Variants in ARHGEF10 observed in about 807,000 individuals in gnomAD.
The protein encoded by ARHGEF10 is Rho guanine nucleotide exchange factor 10, also known as Rho guanine nucleotide exchange factor (GEF) 10.
In ARHGEF10, 140 loss-of-function variants were observed where a neutral mutation model predicts 147.4. The ratio of observed to expected loss-of-function variants is 0.95; its 90% CI spans 0.83 to 1.09. The LOEUF is 1.09. Ranked by LOEUF, ARHGEF10 falls within the 50% of genes least tolerant of loss-of-function variation. The pLI is 0.00. For missense variants in ARHGEF10, 2,222 were observed against 1,752.7 expected (o/e 1.27, Z -4.78); for synonymous variants, 902 against 695.8 (o/e 1.30, Z -4.67).
At chr8:1,852,487 A>T (rs1805224513) in intron 2 of ARHGEF10, among the ~76,000 whole-genome samples, 1 of 137,952 alleles carries the variant, frequency 7.2e-6, no homozygotes, top group Non-Finnish European at 1.6e-5. Flanking sequence ...CCTGGAGAGG[A>T]CCGGGGAGCA....
chr8:1,953,749 A>G (rs1375654827), intron 28 of ARHGEF10, among the ~76,000 whole-genome samples: 2 of 152,248 alleles, frequency 1.3e-5, no homozygotes, highest in Non-Finnish European at 2.9e-5. Context: ...TGGTGTGTGC[A>G]GAGCCTGCAG....
intron 2 of ARHGEF10, among the ~76,000 whole-genome samples, chr8:1,850,535 G>A (rs559010906): frequency 6.6e-6 from 1 of 151,820 alleles, no homozygotes; most frequent in South Asian, 2.1e-4. Context: ...ATGCTGAGGA[G>A]GGCGTGGGGC....
intron 2 of ARHGEF10, among the ~76,000 whole-genome samples, chr8:1,854,155 C>A (rs983895752): frequency 1.7e-4 from 26 of 152,218 alleles, no homozygotes; most frequent in Non-Finnish European, 3.4e-4. Flanking sequence ...CCCAGGATCC[C>A]CCAGGGCCCA....
intron 13 of ARHGEF10, among the ~76,000 whole-genome samples, chr8:1,895,330 G>A (rs1385545686): frequency 6.6e-6 from 1 of 152,192 alleles, no homozygotes; most frequent in East Asian, 1.9e-4. Context: ...TTGAGACTAT[G>A]ATGCTATCAA....
intron 1 of ARHGEF10, among the ~76,000 whole-genome samples, chr8:1,824,471 A>T (rs1448213775): frequency 6.6e-6 from 1 of 151,872 alleles, no homozygotes; most frequent in Non-Finnish European, 1.5e-5. Flanking sequence ...ATTTTCCGGT[A>T]AAGGAGAAGA....
intron 23 of ARHGEF10, 81 bp from the exon 24 acceptor site, chr8:1,928,346 G>C: frequency 7.8e-7 from 1 of 1,280,772 alleles, no homozygotes; most frequent in African/African-American, 1.5e-5. Context: ...GCTTGTCGTG[G>C]CCTTTAAGGG....
intron 11 of ARHGEF10, among the ~76,000 whole-genome samples, chr8:1,888,074 ATGAGGAGACACTAGGTAGGGTGAATGTTT>A (rs1808859765): frequency 1.7e-5 from 2 of 115,852 alleles, no homozygotes; most frequent in Admixed American, 1.6e-4. Flanking sequence ...ATGAGGGTTT[ATGAGGAGACACTAGGTAGGGTGAATGTTT>A]TGAGGAGACA....
chr8:1,925,842 C>T (rs1380177392), intron 22 of ARHGEF10, among the ~76,000 whole-genome samples: 3 of 152,210 alleles, frequency 2.0e-5, no homozygotes, highest in Non-Finnish European at 2.9e-5. Flanking sequence ...TATTAATGTT[C>T]CCAGTGTTGC....
chr8:1,920,921 G>A (rs1812235357), intron 18 of ARHGEF10, among the ~76,000 whole-genome samples: 1 of 152,082 alleles, frequency 6.6e-6, no homozygotes, highest in African/African-American at 2.4e-5. Flanking sequence ...CCGAGTAGGT[G>A]GGATTACAGC....
chr8:1,852,819 G>GTCACA (rs1563178849), intron 2 of ARHGEF10, among the ~76,000 whole-genome samples: 1 of 152,206 alleles, frequency 6.6e-6, no homozygotes, highest in Non-Finnish European at 1.5e-5. Context: ...CAGCCCCAAT[G>GTCACA]GCCCTGCTGT....
intron 1 of ARHGEF10, among the ~76,000 whole-genome samples, chr8:1,841,961 G>GGCGGGA (rs1563161831): frequency 2.3e-5 from 2 of 85,560 alleles, no homozygotes; most frequent in African/African-American, 1.2e-4. Flanking sequence ...CTGGGGCCGC[G>GGCGGGA]ACCGGAACTG....
At chr8:1,947,328 C>G (rs916994634) in intron 27 of ARHGEF10, among the ~76,000 whole-genome samples, 4 of 152,174 alleles carry the variant, frequency 2.6e-5, no homozygotes, top group African/African-American at 7.2e-5. Flanking sequence ...AGACCTCCCT[C>G]CGGGGCGAAG....
At chr8:1,942,383 A>T (rs184121705) in intron 26 of ARHGEF10, among the ~76,000 whole-genome samples, 3 of 151,866 alleles carry the variant, frequency 2.0e-5, no homozygotes, top group African/African-American at 7.3e-5. Flanking sequence ...TTGTTAGGGA[A>T]TCATGGAGCG....
At position 1,909,295 on chromosome 8, in the gene ARHGEF10, C is replaced by G. The variant is rs760291404; in HGVS notation, c.1968C>G (p.Arg656=). The G allele has an allele frequency of 1.2e-6, 2 of 1,614,210 alleles. No homozygotes were observed. Among genetic ancestry groups the G allele is most frequent in the Admixed American group, 3.3e-5 (2 of 60,032 alleles). ...AACAAGGATCTTTTGGTCGTTTCAG[C>G]CCCTCTCATGACAGCCGTGTGATGA... ...DVLMCATVSS[R]PSHDSRVMSS... is the part of the protein sequence containing the mutation. The change falls in exon 18 of 29, where the codon CGC becomes CGG. Residue 656 remains arginine, a splice_region_variant and synonymous_variant. Transcript: ENST00000349830.
rs376196351 is a variant in ARHGEF10, at chr8:1,886,748, C to T, written c.1182+1041C>T. ...TCATCCTTGCAAATCCCGTTGCCAT[C>T]CTTGTGTACTCTGTAAGGAAGCCTG... On this transcript the variant is annotated intron_variant, in intron 11 of 28. Transcript: ENST00000349830. 1.7e-4 allele frequency among the ~76,000 whole-genome samples: 26 copies of T among 152,310 alleles called. No individual in the cohort carries two copies. In the South Asian group the frequency reaches 5.2e-3, roughly 30 times the overall value.
In ARHGEF10 at chr8:1,860,159, C is replaced by G. The variant is rs1805981433; in HGVS notation, c.456C>G (p.Ile152Met). Residue 152 changes from isoleucine (I) to methionine (M), a missense_variant, in exon 4 of 29, where the codon ATC becomes ATG. Transcript: ENST00000349830. ...LLPAYSSPVIICATSLDEEET... is the reference protein window; with the variant it reads ...LLPAYSSPVIMCATSLDEEET... ...CCGCCTACTCCAGCCCGGTCATCATCTGCGCCACGTCCCTGGACGAAGAAG... is the reference window on the plus strand; with the variant it reads ...CCGCCTACTCCAGCCCGGTCATCATGTGCGCCACGTCCCTGGACGAAGAAG... 4 of 1,613,734 alleles carry G rather than the reference C, an allele frequency of 2.5e-6. No homozygotes were observed. The highest frequency in any genetic ancestry group is 1.7e-5 in the Admixed American group (1 of 60,028).
chr8:1,834,772 G>A (rs147572335), intron 1 of ARHGEF10, among the ~76,000 whole-genome samples: 1 of 152,336 alleles, frequency 6.6e-6, no homozygotes, highest in East Asian at 1.9e-4. Flanking sequence ...GTGGATTTAT[G>A]TCTTGAGTTG....
chr8:1,879,626 C>G (rs538853745), intron 8 of ARHGEF10, among the ~76,000 whole-genome samples: 1 of 151,760 alleles, frequency 6.6e-6, no homozygotes, highest in South Asian at 2.1e-4. Flanking sequence ...CATCACGGCT[C>G]ACTGCAGCCT....
intron 12 of ARHGEF10, 89 bp from the exon 13 acceptor site, chr8:1,894,304 C>T (rs557960319): frequency 2.4e-5 from 33 of 1,384,346 alleles, no homozygotes; most frequent in East Asian, 9.4e-5. Flanking sequence ...GAGCCATGAT[C>T]GCACCACTGC....
Sources: gnomAD v4.1 joint callset for allele counts (sites outside exome capture counted in the v4.1 genomes callset) on GRCh38, gnomAD v4.1.1 for gene constraint, MANE v1.5 for transcripts, NCBI Gene and HGNC (gene_info 2026-07-23, HGNC 2026-07-21) for gene names.